SLC25A21: variants seen among roughly 807,000 people sequenced by gnomAD.
SLC25A21 encodes solute carrier family 25 member 21, also known as mitochondrial 2-oxodicarboxylate carrier.
SLC25A21 carries 47 observed loss-of-function variants against 43.8 expected under a neutral mutation model. The ratio of observed to expected loss-of-function variants is 1.07; its 90% confidence interval spans 0.85 to 1.37. The LOEUF (loss-of-function observed/expected upper bound fraction) is 1.37, where lower values mean the gene tolerates loss of function less well. Ranked by LOEUF, SLC25A21 falls within the 40% of genes most tolerant of loss-of-function variation. The pLI is 0.00. For missense variants in SLC25A21, 352 were observed against 350.2 expected (o/e 1.00, Z -0.04); for synonymous variants, 131 against 121.3 (o/e 1.08, Z -0.52).
At chr14:36,754,169 G>T (rs528828160) in intron 3 of SLC25A21, among the ~76,000 whole-genome samples, 1 of 152,272 alleles carries the variant, frequency 6.6e-6, no homozygotes, top group African/African-American at 2.4e-5. Flanking sequence ...TAACATTTAA[G>T]TCAGGAGATG....
intron 1 of SLC25A21, among the ~76,000 whole-genome samples, chr14:37,101,706 A>G (rs542592086): frequency 6.6e-6 from 1 of 152,338 alleles, no homozygotes; most frequent in South Asian, 2.1e-4. Context: ...TATAAAGCAG[A>G]ATATAGAACC....
intron 1 of SLC25A21, among the ~76,000 whole-genome samples, chr14:36,991,909 A>G (rs749616136): frequency 6.6e-6 from 1 of 152,182 alleles, no homozygotes; most frequent in Non-Finnish European, 1.5e-5. Flanking sequence ...TACTCAGGGT[A>G]TCTTAAATGG....
intron 1 of SLC25A21, among the ~76,000 whole-genome samples, chr14:37,007,106 T>C (rs1276540059): frequency 6.6e-6 from 1 of 152,228 alleles, no homozygotes; most frequent in Non-Finnish European, 1.5e-5. Flanking sequence ...CAGCAAAACT[T>C]ACTGAAAAGT....
At chr14:37,159,315 G>T (rs776897635) in intron 1 of SLC25A21, among the ~76,000 whole-genome samples, 1 of 151,926 alleles carries the variant, frequency 6.6e-6, no homozygotes, top group Admixed American at 6.6e-5. Context: ...CACATTACCT[G>T]ATTTCAAAAT....
chr14:37,006,851 T>A (rs182820904), intron 1 of SLC25A21, among the ~76,000 whole-genome samples: 1 of 152,262 alleles, frequency 6.6e-6, no homozygotes, highest in East Asian at 1.9e-4. Context: ...CAAGGGAAAC[T>A]CTGTTCTTTT....
chr14:37,163,537 G>A (rs1176242045), intron 1 of SLC25A21, among the ~76,000 whole-genome samples: 1 of 151,982 alleles, frequency 6.6e-6, no homozygotes, highest in Non-Finnish European at 1.5e-5. Context: ...TTCCAATTTA[G>A]ATACAATAAC....
intron 1 of SLC25A21, among the ~76,000 whole-genome samples, chr14:36,986,562 A>G (rs1330207371): frequency 4.6e-5 from 7 of 152,080 alleles, no homozygotes; most frequent in African/African-American, 9.7e-5. Flanking sequence ...AACACTTCCA[A>G]TGTGAGACCA....
intron 9 of SLC25A21, among the ~76,000 whole-genome samples, chr14:36,683,159 T>C (rs1455502363): frequency 1.3e-5 from 2 of 152,236 alleles, no homozygotes; most frequent in African/African-American, 4.8e-5. Context: ...CTGAGACTAT[T>C]TGCCCTGGCG....
intron 1 of SLC25A21, among the ~76,000 whole-genome samples, chr14:37,082,398 T>C (rs1193780648): frequency 6.6e-6 from 1 of 152,136 alleles, no homozygotes; most frequent in Admixed American, 6.5e-5. Context: ...AAAATCAAAG[T>C]TGAAATTTTT....
intron 1 of SLC25A21, among the ~76,000 whole-genome samples, chr14:36,928,938 G>T (rs1316210684): frequency 6.6e-6 from 1 of 152,044 alleles, no homozygotes; most frequent in East Asian, 1.9e-4. Context: ...ATCCAGGCTT[G>T]CTATAAAAAA....
intron 2 of SLC25A21, among the ~76,000 whole-genome samples, chr14:36,819,360 C>CA (rs56876343): frequency 0.93 from 142,214 of 152,118 alleles, 67,222 homozygotes; most frequent in East Asian, 1. Flanking sequence ...TTTTTAAAGA[C>CA]AAAAAATGTT....
At chr14:36,745,777 T>A (rs1885470676) in intron 3 of SLC25A21, among the ~76,000 whole-genome samples, 1 of 152,114 alleles carries the variant, frequency 6.6e-6, no homozygotes, top group Non-Finnish European at 1.5e-5. Flanking sequence ...GCAAAAATTG[T>A]CTCCCATTCT....
At position 37,027,854 on chromosome 14, in the gene SLC25A21, T is replaced by C. The variant is rs556523140; in HGVS notation, c.70+144427A>G. Among the ~76,000 whole-genome samples the C allele has an allele frequency of 2.9e-3, 446 of 152,322 alleles. 3 individuals are homozygous for C. Among genetic ancestry groups the C allele is most frequent in the Middle Eastern group, 0.017 (5 of 294 alleles). ...AGATATCACATGAAAATCATCCAAC[T>C]TTTTAATTTACTGTAGCATCAGAAA... On this transcript the variant is annotated intron_variant, in intron 1 of 9. Transcript: ENST00000331299.
intron 3 of SLC25A21, among the ~76,000 whole-genome samples, chr14:36,779,290 ATAT>A (rs906437903): frequency 2.8e-5 from 4 of 145,236 alleles, no homozygotes; most frequent in African/African-American, 5.0e-5. Context: ...CTTATATATC[ATAT>A]TATTACATAT....
At chr14:36,819,089 C>A (rs1022868684) in intron 2 of SLC25A21, among the ~76,000 whole-genome samples, 7 of 152,184 alleles carry the variant, frequency 4.6e-5, no homozygotes, top group Non-Finnish European at 8.8e-5. Context: ...AATGAAGTAA[C>A]ACTTGGGACA....
At chr14:36,891,077 G>A (rs901562058) in intron 1 of SLC25A21, among the ~76,000 whole-genome samples, 1 of 152,098 alleles carries the variant, frequency 6.6e-6, no homozygotes, top group African/African-American at 2.4e-5. Context: ...TCCAAGACAA[G>A]GTTAGATACC....
chr14:37,054,652 T>A (rs1961782050), intron 1 of SLC25A21, among the ~76,000 whole-genome samples: 1 of 151,662 alleles, frequency 6.6e-6, no homozygotes, highest in South Asian at 2.1e-4. Flanking sequence ...CTAATAGAGG[T>A]TGGAAAAAAG....
intron 1 of SLC25A21, among the ~76,000 whole-genome samples, chr14:37,000,559 C>A (rs1230670160): frequency 1.3e-5 from 2 of 152,156 alleles, no homozygotes; most frequent in Non-Finnish European, 2.9e-5. Context: ...TCCACCCAGA[C>A]CCTTCATTCT....
At chr14:36,969,698 T>C (rs925660784) in intron 1 of SLC25A21, among the ~76,000 whole-genome samples, 13 of 151,932 alleles carry the variant, frequency 8.6e-5, no homozygotes, top group African/African-American at 1.9e-4. Flanking sequence ...CGGTACGTTA[T>C]CTATACTGGT....
Sources: gnomAD v4.1 joint callset for allele counts (sites outside exome capture counted in the v4.1 genomes callset) on GRCh38, gnomAD v4.1.1 for gene constraint, MANE v1.5 for transcripts, NCBI Gene and HGNC (gene_info 2026-07-23, HGNC 2026-07-21) for gene names.